Variants in SHQ1 observed in about 807,000 individuals in gnomAD.
The protein encoded by SHQ1 is SHQ1, H/ACA ribonucleoprotein assembly factor.
In SHQ1, 49 loss-of-function variants were observed where a neutral mutation model predicts 53.8. That is an observed-to-expected ratio of 0.91 (90% confidence interval 0.72 to 1.16). The LOEUF (loss-of-function observed/expected upper bound fraction) is 1.16, where lower values mean the gene tolerates loss of function less well. Among genes scored for constraint, SHQ1 ranks in the 50% most tolerant of loss-of-function variants. The pLI is 0.00. For synonymous variants in SHQ1, 243 were observed against 251.0 expected, an observed-to-expected ratio of 0.97 and a Z score of 0.30; for missense variants, 738 against 683.1, an observed-to-expected ratio of 1.08 and a Z score of -0.90.
At chr3:72,829,071 A>G (rs1707753439) in intron 5 of SHQ1, among the ~76,000 whole-genome samples, 1 of 152,194 alleles carries the variant, frequency 6.6e-6, no homozygotes, top group Non-Finnish European at 1.5e-5. Flanking sequence ...CTACAGAGAA[A>G]AATGGTACAA....
intron 10 of SHQ1, among the ~76,000 whole-genome samples, chr3:72,790,062 C>T (rs1706388626): frequency 6.6e-6 from 1 of 152,158 alleles, no homozygotes. Flanking sequence ...GTAGTGAGCA[C>T]CACACTCAAA....
chr3:72,837,380 G>C (rs1575736972), intron 4 of SHQ1, among the ~76,000 whole-genome samples: 1 of 152,050 alleles, frequency 6.6e-6, no homozygotes, highest in Admixed American at 6.5e-5. Context: ...AAATATGAAA[G>C]ACTTCTGTAA....
At chr3:72,800,653 C>T (rs952849161) in intron 9 of SHQ1, among the ~76,000 whole-genome samples, 4 of 152,164 alleles carry the variant, frequency 2.6e-5, no homozygotes, top group Admixed American at 6.5e-5. Flanking sequence ...GTTTAATAAA[C>T]GCTGGTTGTT....
At chr3:72,745,145 TG>T (rs1390472703), downstream of SHQ1, among the ~76,000 whole-genome samples, 3 of 141,850 alleles carry the variant, frequency 2.1e-5, no homozygotes. Context: ...TCCAGGAGTC[TG>T]GTTTTTTTTT....
At chr3:72,813,518 C>T (rs1000860255) in intron 8 of SHQ1, among the ~76,000 whole-genome samples, 19 of 148,078 alleles carry the variant, frequency 1.3e-4, no homozygotes, top group African/African-American at 4.8e-4. Context: ...GTGATCTCAG[C>T]ACTTTGGGAG....
chr3:72,749,771 A>G lies in SHQ1; in HGVS notation c.*513T>C, dbSNP rs901440645. On this transcript the variant is annotated 3_prime_UTR_variant, in exon 11 of 11. Transcript: ENST00000325599. ...AAATATTAGCTACACTTTGGTAAAAATACTTTTGAACTTTATCTTCACAGT... is the reference window on the plus strand; with the variant it reads ...AAATATTAGCTACACTTTGGTAAAAGTACTTTTGAACTTTATCTTCACAGT... The G allele has an allele frequency of 3.2e-5, 7 of 219,836 alleles. No individual in the cohort carries two copies. The highest frequency in any genetic ancestry group is 1.6e-4 in the African/African-American group (7 of 44,540). 13.6% of individuals were successfully genotyped at this position (219,836 alleles called of 1,614,324 possible).
chr3:72,815,383 G>C lies in SHQ1; in HGVS notation c.903C>G (p.Ile301Met), dbSNP rs1055433234. The change falls in exon 8 of 11, where the codon ATC becomes ATG. Residue 301 changes from isoleucine to methionine, a missense_variant. Transcript: ENST00000325599. ...GEKNVESAWN[I>M]RKLSPTLCWF... ...AGCATAGTGTTGGACTCAGTTTCCT[G>C]ATATTCCATGCAGATTCAACCTTTA... 1.2e-6 allele frequency: 2 copies of C among 1,613,384 alleles called. No homozygotes were observed. Among genetic ancestry groups the C allele is most frequent in the East Asian group, 2.2e-5 (1 of 44,818 alleles).
intron 10 of SHQ1, among the ~76,000 whole-genome samples, chr3:72,768,851 T>TA (rs1470095564): frequency 5.9e-5 from 9 of 152,214 alleles, no homozygotes; most frequent in Middle Eastern, 3.2e-3. Flanking sequence ...TGTTTTTCCC[T>TA]AAGCATTCTA....
intron 9 of SHQ1, among the ~76,000 whole-genome samples, chr3:72,800,265 A>G (rs1229467469): frequency 6.6e-6 from 1 of 152,158 alleles, no homozygotes; most frequent in Non-Finnish European, 1.5e-5. Context: ...CCAATAATTT[A>G]TGTTCTTTAT....
chr3:72,741,401 C>T, the SHQ1 span, among the ~76,000 whole-genome samples: 3 of 152,104 alleles, frequency 2.0e-5, no homozygotes, highest in African/African-American at 7.2e-5. Flanking sequence ...GCCTGGCCAA[C>T]AAGGCAAAAC....
At chr3:72,844,625 A>G (rs1708276084) in intron 1 of SHQ1, among the ~76,000 whole-genome samples, 2 of 152,234 alleles carry the variant, frequency 1.3e-5, no homozygotes, top group South Asian at 2.1e-4. Context: ...TCATCTTTCT[A>G]TTTGAATACC....
At chr3:72,844,244 G>T (rs1708263532) in intron 2 of SHQ1, 115 bp downstream of exon 2, 1 of 810,838 alleles carries the variant, frequency 1.2e-6, no homozygotes. Context: ...AGAGTGATAG[G>T]AACAGATTGT....
At chr3:72,801,558 C>T (rs1706789232) in intron 9 of SHQ1, among the ~76,000 whole-genome samples, 1 of 152,084 alleles carries the variant, frequency 6.6e-6, no homozygotes, top group African/African-American at 2.4e-5. Flanking sequence ...CCTAATCCTA[C>T]CACTGATGAA....
intron 5 of SHQ1, among the ~76,000 whole-genome samples, chr3:72,831,842 A>G (rs1353075636): frequency 6.6e-6 from 1 of 152,278 alleles, no homozygotes; most frequent in Admixed American, 6.5e-5. Context: ...GGGAAATAAT[A>G]CAGCAAAACT....
Position 72,754,375 on chromosome 3 carries a change from TTTC to T in SHQ1, c.1182-3542_1182-3540del, listed in dbSNP as rs200716849. Among the ~76,000 whole-genome samples the T allele has an allele frequency of 7.6e-3, 1,148 of 151,096 alleles. 8 individuals carry two copies. The highest frequency in any genetic ancestry group is 0.018 in the African/African-American group (723 of 40,748). On this transcript the variant is annotated intron_variant, in intron 10 of 10. Transcript: ENST00000325599. Reference sequence around the variant, plus strand: ...CTCTGCAAAGTGTTCTTCTCTTCTTTTTCTTCTTCTTTTTTTTTTTTTTGAGAT... The same window carrying T: ...CTCTGCAAAGTGTTCTTCTCTTCTTTTTCTTCTTTTTTTTTTTTTTGAGAT...
chr3:72,800,504 G>A (rs185137406), intron 9 of SHQ1, among the ~76,000 whole-genome samples: 4 of 152,344 alleles, frequency 2.6e-5, no homozygotes, highest in Non-Finnish European at 5.9e-5. Flanking sequence ...GAAATAAGTT[G>A]TCTGACCCTC....
At chr3:72,836,714 G>T (rs560380550) in intron 4 of SHQ1, among the ~76,000 whole-genome samples, 2 of 152,266 alleles carry the variant, frequency 1.3e-5, no homozygotes, top group East Asian at 3.9e-4. Flanking sequence ...GTAGCTTGGG[G>T]TTTAGAAGTA....
intron 10 of SHQ1, among the ~76,000 whole-genome samples, chr3:72,771,975 C>T (rs1385744933): frequency 6.6e-6 from 1 of 152,130 alleles, no homozygotes; most frequent in Non-Finnish European, 1.5e-5. Context: ...CATGCCAAGA[C>T]TAAGCAATCA....
At chr3:72,725,904 A>G in the SHQ1 span, among the ~76,000 whole-genome samples, 1 of 152,156 alleles carries the variant, frequency 6.6e-6, no homozygotes, top group Non-Finnish European at 1.5e-5. Flanking sequence ...AACAAATACT[A>G]TGTACTAGGT....
Sources: allele counts gnomAD v4.1 joint callset (sites outside exome capture counted in the v4.1 genomes callset), GRCh38; gene constraint gnomAD v4.1.1; transcripts MANE v1.5; gene names NCBI Gene and HGNC (gene_info 2026-07-23, HGNC 2026-07-21).